The following THSD7A variants were observed in gnomAD, a reference collection of about 807,000 sequenced individuals.
THSD7A encodes thrombospondin type 1 domain containing 7A, also known as thrombospondin type-1 domain-containing protein 7A.
A neutral mutation model predicts 231.3 loss-of-function variants in THSD7A; 96 were observed. That is an observed-to-expected ratio of 0.41 (90% CI 0.35 to 0.49). The LOEUF (loss-of-function observed/expected upper bound fraction) is 0.49. THSD7A is among the 20% of genes least tolerant of loss of function. THSD7A has a pLI of 0.05. For synonymous variants in THSD7A, 940 were observed against 743.3 expected, an observed-to-expected ratio of 1.26 and a Z score of -4.30; for missense variants, 2,290 against 2,070.2, an observed-to-expected ratio of 1.11 and a Z score of -2.06.
At chr7:11,526,943 C>A (rs1788499923) in intron 6 of THSD7A, among the ~76,000 whole-genome samples, 1 of 152,074 alleles carries the variant, frequency 6.6e-6, no homozygotes, top group African/African-American at 2.4e-5. Context: ...ATTGCACTCA[C>A]CTTATACAGC....
Position 11,412,788 on chromosome 7 carries a change from T to G in THSD7A, c.3550A>C (p.Ser1184Arg). 1 of 1,612,302 alleles carries G rather than the reference T, an allele frequency of 6.2e-7. No individual in the cohort carries two copies. Among genetic ancestry groups the G allele is most frequent in the Non-Finnish European group, 8.5e-7 (1 of 1,178,980 alleles). ...WTQCVLPCNQ[S>R]SFRQRSADPI... ...TCAGCTGACCTTTGCCGGAAACTGC[T>G]TTGATTGCAAGGCTTAAAAAGAACA... The change falls in exon 18 of 28, where the codon AGC becomes CGC. Residue 1184 changes from serine (S) to arginine (R), a missense_variant. Ser to Arg is a moderately radical substitution (Grantham distance 110). Coordinates refer to ENST00000423059, the MANE Select transcript of THSD7A (RefSeq NM_015204.3).
At chr7:11,697,246 T>C (rs548560163) in intron 1 of THSD7A, among the ~76,000 whole-genome samples, 1 of 151,508 alleles carries the variant, frequency 6.6e-6, no homozygotes, top group African/African-American at 2.4e-5. Context: ...CAAAACCTCA[T>C]TGCATTACAT....
rs1299673614 is a variant in THSD7A, at chr7:11,831,423, T to C, written c.190+334A>G. ...AGACTGAGACTAAACTCTTTGCTTGTTCTTTGCTAGAAATCTGTTTGAGAA... is the reference window on the plus strand; with the variant it reads ...AGACTGAGACTAAACTCTTTGCTTGCTCTTTGCTAGAAATCTGTTTGAGAA... On this transcript the variant is annotated intron_variant, in intron 1 of 27. Coordinates refer to ENST00000423059, the MANE Select transcript of THSD7A (RefSeq NM_015204.3). The surrounding 1 kb of genome is among the most constrained non-coding windows in gnomAD (Gnocchi z 5.0). 1.3e-5 allele frequency among the ~76,000 whole-genome samples: 2 copies of C among 152,314 alleles called. No homozygotes were observed. The highest frequency in any genetic ancestry group is 2.9e-5 in the Non-Finnish European group (2 of 68,030).
At chr7:11,466,712 A>G (rs917895730) in intron 9 of THSD7A, among the ~76,000 whole-genome samples, 1 of 152,090 alleles carries the variant, frequency 6.6e-6, no homozygotes, top group Admixed American at 6.6e-5. Flanking sequence ...ACCTGTGTTC[A>G]GGGAAACACT....
chr7:11,468,720 G>A (rs1432882842), intron 9 of THSD7A, among the ~76,000 whole-genome samples: 1 of 152,098 alleles, frequency 6.6e-6, no homozygotes, highest in Non-Finnish European at 1.5e-5. Context: ...TATAGTCTCA[G>A]TGACTTGGGA....
At chr7:11,468,048 A>G (rs1206534342) in intron 9 of THSD7A, among the ~76,000 whole-genome samples, 3 of 152,112 alleles carry the variant, frequency 2.0e-5, no homozygotes, top group African/African-American at 7.2e-5. Context: ...AGTAATTTAC[A>G]CAATACAAGA....
At chr7:11,588,172 G>A (rs1292680001) in intron 4 of THSD7A, among the ~76,000 whole-genome samples, 1 of 152,072 alleles carries the variant, frequency 6.6e-6, no homozygotes, top group Non-Finnish European at 1.5e-5. Flanking sequence ...CATCGAGTGT[G>A]AATAATCTTC....
intron 4 of THSD7A, among the ~76,000 whole-genome samples, chr7:11,544,563 C>T (rs959115131): frequency 6.6e-6 from 1 of 152,138 alleles, no homozygotes; most frequent in Non-Finnish European, 1.5e-5. Flanking sequence ...ATTTAAACTA[C>T]ATTTTCCTAA....
intron 1 of THSD7A, among the ~76,000 whole-genome samples, chr7:11,732,993 G>A (rs955673707): frequency 6.6e-6 from 1 of 151,702 alleles, no homozygotes; most frequent in South Asian, 2.1e-4. Context: ...TATCTAAGCA[G>A]TATTTGGTAA....
chr7:11,749,260 T>A (rs1782419194), intron 1 of THSD7A, among the ~76,000 whole-genome samples: 1 of 152,012 alleles, frequency 6.6e-6, no homozygotes, highest in Non-Finnish European at 1.5e-5. Context: ...ACAAACAACA[T>A]GCACACAGTG....
chr7:11,570,402 G>A (rs1790573461), intron 4 of THSD7A, among the ~76,000 whole-genome samples: 1 of 152,114 alleles, frequency 6.6e-6, no homozygotes, highest in African/African-American at 2.4e-5. Context: ...CAAATACACA[G>A]GAGTAAGTTC....
intron 1 of THSD7A, among the ~76,000 whole-genome samples, chr7:11,683,467 G>A (rs1364658735): frequency 3.3e-5 from 5 of 151,688 alleles, no homozygotes; most frequent in Admixed American, 6.6e-5. Context: ...AAACAAGATC[G>A]ATAGAATGTT....
At position 11,508,627 on chromosome 7, in the gene THSD7A, A is replaced by T. The variant is rs560984283; in HGVS notation, c.1823-26645T>A. On this transcript the variant is annotated intron_variant, in intron 6 of 27. Transcript: ENST00000423059. ...CCCAAAAAGCAGAAATCAGGATGTC[A>T]AAGAGATATTAGCACTACCATGTTC... Among the ~76,000 whole-genome samples, 4 of 152,358 alleles carry T rather than the reference A, an allele frequency of 2.6e-5. No individual in the cohort carries two copies. In the South Asian group the frequency reaches 6.2e-4, roughly 24 times the overall value.
At chr7:11,651,519 C>CTATT (rs1357764118) in intron 1 of THSD7A, among the ~76,000 whole-genome samples, 1 of 141,446 alleles carries the variant, frequency 7.1e-6, no homozygotes, top group Non-Finnish European at 1.6e-5. Flanking sequence ...ATCTATCTAT[C>CTATT]TATCTAGCAC....
At chr7:11,405,501 C>T (rs1402842596) in intron 22 of THSD7A, among the ~76,000 whole-genome samples, 1 of 152,036 alleles carries the variant, frequency 6.6e-6, no homozygotes, top group African/African-American at 2.4e-5. Context: ...TGTTCATTTC[C>T]AGTCCACTAA....
intron 1 of THSD7A, among the ~76,000 whole-genome samples, chr7:11,796,019 G>A (rs1295794344): frequency 7.6e-6 from 1 of 131,746 alleles, no homozygotes; most frequent in Non-Finnish European, 1.6e-5. Context: ...GTACTTCTTT[G>A]AAATTAAATT....
chr7:11,451,260 T>C (rs1785133915), intron 11 of THSD7A, among the ~76,000 whole-genome samples: 1 of 152,040 alleles, frequency 6.6e-6, no homozygotes, highest in Admixed American at 6.6e-5. Context: ...AACCTCAGTT[T>C]GAACAAACTA....
chr7:11,570,286 G>A (rs1790568018), intron 4 of THSD7A, among the ~76,000 whole-genome samples: 1 of 152,188 alleles, frequency 6.6e-6, no homozygotes, highest in African/African-American at 2.4e-5. Flanking sequence ...CATATGGTGG[G>A]AGCTAAAAAG....
chr7:11,711,110 A>G (rs970817876), intron 1 of THSD7A, among the ~76,000 whole-genome samples: 5 of 150,974 alleles, frequency 3.3e-5, no homozygotes, highest in African/African-American at 9.7e-5. Context: ...TCCAAGGACC[A>G]CTAAAAAGTA....
Sources: gnomAD v4.1 joint callset for allele counts (sites outside exome capture counted in the v4.1 genomes callset) on GRCh38, gnomAD v4.1.1 for gene constraint, Gnocchi (gnomAD v3.1) non-coding constraint, MANE v1.5 for transcripts, NCBI Gene and HGNC (gene_info 2026-07-23, HGNC 2026-07-21) for gene names.